The following OSBPL10 variants were observed in gnomAD, a reference collection of about 807,000 sequenced individuals.
The protein encoded by OSBPL10 is oxysterol binding protein like 10.
A neutral mutation model predicts 81.7 loss-of-function variants in OSBPL10; 49 were observed. The observed-to-expected ratio is 0.60, with a 90% CI of 0.48 to 0.76. The LOEUF (loss-of-function observed/expected upper bound fraction) is 0.76, where lower values mean the gene tolerates loss of function less well. Ranked by LOEUF, OSBPL10 falls within the 30% of genes least tolerant of loss-of-function variation. The pLI is 0.00. For missense variants in OSBPL10, 923 were observed against 987.8 expected (o/e 0.93, Z 0.88); for synonymous variants, 419 against 383.6 (o/e 1.09, Z -1.08).
chr3:31,726,893 A>G (rs79397112), intron 6 of OSBPL10, among the ~76,000 whole-genome samples: 14,686 of 151,534 alleles, frequency 0.097, 1,747 homozygotes, highest in African/African-American at 0.29. Context: ...ACCAAGGTTC[A>G]AATGCAGTGG....
intron 1 of OSBPL10, among the ~76,000 whole-genome samples, chr3:31,976,859 G>A (rs1191197442): frequency 2.0e-5 from 3 of 152,132 alleles, no homozygotes; most frequent in Non-Finnish European, 2.9e-5. Flanking sequence ...TTGGTTCCAC[G>A]TTCGCAGTGT....
Position 31,879,687 on chromosome 3 carries a change from T to G in OSBPL10, c.425A>C (p.Tyr142Ser). 1.2e-6 allele frequency: 2 copies of G among 1,613,998 alleles called. No homozygotes were observed. The highest frequency in any genetic ancestry group is 1.7e-6 in the Non-Finnish European group (2 of 1,179,980). ...TTTAAACATCTCTCCATTAGCAGAG[T>G]ACACCACCAGCATGTGGGGAGCTTC... is the stretch of plus-strand genomic sequence containing the variant. The part of the protein sequence containing the change: ...SDEAPHMLVV[Y>S]SANGEMFKLR... The change falls in exon 2 of 12, where the codon TAC (tyrosine) becomes TCC (serine). Residue 142 changes from tyrosine to serine, a missense_variant. This residue lies in a region of OSBPL10 where 514 missense variants were observed against 508.0 expected (regional missense o/e 1.01). Coordinates refer to ENST00000396556, the MANE Select transcript of OSBPL10 (RefSeq NM_017784.5).
intron 2 of OSBPL10, among the ~76,000 whole-genome samples, chr3:31,995,030 G>A (rs551712650): frequency 6.6e-6 from 1 of 152,284 alleles, no homozygotes; most frequent in South Asian, 2.1e-4. Context: ...TATGAATAGG[G>A]AGTAGGTCAC....
chr3:31,811,398 G>A (rs1401191534), intron 4 of OSBPL10, among the ~76,000 whole-genome samples: 2 of 152,222 alleles, frequency 1.3e-5, no homozygotes, highest in Admixed American at 6.5e-5. Flanking sequence ...CCCATGTGCG[G>A]CGCAGGGAGG....
At chr3:31,894,075 G>A (rs1482369173) in intron 1 of OSBPL10, among the ~76,000 whole-genome samples, 2 of 152,200 alleles carry the variant, frequency 1.3e-5, no homozygotes, top group African/African-American at 2.4e-5. Flanking sequence ...GACCAAGGTG[G>A]TGATGGCAGA....
chr3:32,040,719 C>T (rs924290473), intron 2 of OSBPL10, among the ~76,000 whole-genome samples: 6 of 152,136 alleles, frequency 3.9e-5, no homozygotes, highest in African/African-American at 1.4e-4. Context: ...CACCTGTAGT[C>T]CTAGCTAAAC....
intron 1 of OSBPL10, among the ~76,000 whole-genome samples, chr3:32,059,172 T>C (rs1165852291): frequency 6.6e-6 from 1 of 152,088 alleles, no homozygotes; most frequent in Non-Finnish European, 1.5e-5. Flanking sequence ...GGCATATGCC[T>C]GTAATCCCAG....
chr3:31,942,202 G>A (rs1697551907), intron 1 of OSBPL10, among the ~76,000 whole-genome samples: 1 of 152,114 alleles, frequency 6.6e-6, no homozygotes, highest in Non-Finnish European at 1.5e-5. Flanking sequence ...GTGAACCTGG[G>A]AGGCGGAGCT....
At chr3:31,664,548 T>C (rs543510054) in intron 10 of OSBPL10, 4 of 470,756 alleles carry the variant, frequency 8.5e-6, no homozygotes, top group East Asian at 8.1e-5. Flanking sequence ...CAGGCACATA[T>C]GGCATTTGCC....
intron 4 of OSBPL10, among the ~76,000 whole-genome samples, chr3:31,790,551 AG>A (rs998227976): frequency 6.6e-6 from 1 of 152,216 alleles, no homozygotes; most frequent in African/African-American, 2.4e-5. Context: ...CGGGGGAAAA[AG>A]ATGAAGGGCA....
At chr3:31,670,750 G>A (rs746590942) in intron 9 of OSBPL10, 47 bp downstream of exon 9, 1 of 1,539,216 alleles carries the variant, frequency 6.5e-7, no homozygotes, top group African/African-American at 1.4e-5. Context: ...AGGAAACTCA[G>A]GGCATCTTGT....
chr3:31,800,528 T>A (rs1012447877), intron 4 of OSBPL10, among the ~76,000 whole-genome samples: 2 of 152,228 alleles, frequency 1.3e-5, no homozygotes, highest in African/African-American at 2.4e-5. Context: ...CAACTAAGGC[T>A]AAACACTCAA....
chr3:31,727,278 C>A (rs1696838680), intron 6 of OSBPL10, among the ~76,000 whole-genome samples: 1 of 152,028 alleles, frequency 6.6e-6, no homozygotes, highest in South Asian at 2.1e-4. Context: ...AATTTTGCGT[C>A]AACCTAAGTT....
intron 3 of OSBPL10, among the ~76,000 whole-genome samples, chr3:31,867,540 G>C (rs972895592): frequency 6.6e-6 from 1 of 152,166 alleles, no homozygotes; most frequent in African/African-American, 2.4e-5. Context: ...TCGGAAGTTT[G>C]AGACTAGCCT....
intron 3 of OSBPL10, among the ~76,000 whole-genome samples, chr3:31,860,662 CTCTT>C (rs1385116466): frequency 1.3e-5 from 2 of 151,938 alleles, no homozygotes; most frequent in Admixed American, 6.6e-5. Context: ...TACCTTAGTT[CTCTT>C]TCTGTTTTTT....
chr3:31,984,530 G>A (rs905886185), upstream of OSBPL10, among the ~76,000 whole-genome samples: 3 of 152,114 alleles, frequency 2.0e-5, no homozygotes, highest in Non-Finnish European at 2.9e-5. Context: ...CAACTGGTCC[G>A]TCAGAATGCA....
chr3:31,901,686 C>T (rs1696246736), intron 1 of OSBPL10, among the ~76,000 whole-genome samples: 1 of 152,198 alleles, frequency 6.6e-6, no homozygotes, highest in African/African-American at 2.4e-5. Flanking sequence ...GCATGTCCTT[C>T]AGGGCGGAAC....
intron 1 of OSBPL10, among the ~76,000 whole-genome samples, chr3:31,881,317 C>A (rs749774831): frequency 2.0e-5 from 3 of 152,184 alleles, no homozygotes; most frequent in African/African-American, 7.2e-5. Flanking sequence ...CTAAATCCCA[C>A]GTTTCTCCAT....
chr3:31,719,485 A>T (rs184194752), intron 6 of OSBPL10, among the ~76,000 whole-genome samples: 1 of 152,204 alleles, frequency 6.6e-6, no homozygotes, highest in African/African-American at 2.4e-5. Flanking sequence ...AACTTCATAC[A>T]TAATTATAAA....
Sources: allele counts gnomAD v4.1 joint callset (sites outside exome capture counted in the v4.1 genomes callset), GRCh38; gene constraint gnomAD v4.1.1; regional missense constraint gnomAD v4.1.1; transcripts MANE v1.5; gene names NCBI Gene and HGNC (gene_info 2026-07-23, HGNC 2026-07-21).